PTPRM: variants seen among roughly 807,000 people sequenced by gnomAD.
The protein encoded by PTPRM is receptor-type tyrosine-protein phosphatase mu.
PTPRM carries 47 observed loss-of-function variants against 186.7 expected under a neutral mutation model. That is an observed-to-expected ratio of 0.25 (90% CI 0.20 to 0.32). The LOEUF is 0.32. PTPRM is among the 10% of genes least tolerant of loss of function. The probability of loss-of-function intolerance (pLI) is 1.00; values close to 1 mark genes in which losing one functional copy is unlikely to be tolerated. For missense variants in PTPRM, 1,494 were observed against 1,865.0 expected (o/e 0.80, Z 3.66); for synonymous variants, 668 against 674.9 (o/e 0.99, Z 0.16).
chr18:8,180,122 A>T (rs1033543380), intron 14 of PTPRM, among the ~76,000 whole-genome samples: 1 of 152,076 alleles, frequency 6.6e-6, no homozygotes, highest in Non-Finnish European at 1.5e-5. Context: ...TAAGCAGGAG[A>T]GTGAAAGGGA....
At chr18:8,315,663 G>A (rs1371029316) in intron 21 of PTPRM, among the ~76,000 whole-genome samples, 1 of 152,126 alleles carries the variant, frequency 6.6e-6, no homozygotes, top group Non-Finnish European at 1.5e-5. Context: ...TAGTCTATCA[G>A]TACTTCCATA....
intron 7 of PTPRM, among the ~76,000 whole-genome samples, chr18:8,067,842 A>C (rs2148423451): frequency 6.6e-6 from 1 of 152,362 alleles, no homozygotes; most frequent in East Asian, 1.9e-4. Flanking sequence ...CTATAGAATT[A>C]GCAGGAAAAG....
At chr18:8,330,511 T>C (rs2095406326) in intron 22 of PTPRM, among the ~76,000 whole-genome samples, 1 of 152,196 alleles carries the variant, frequency 6.6e-6, no homozygotes, top group Admixed American at 6.5e-5. Flanking sequence ...TTAAGGAAGA[T>C]AGAGACTAAT....
intron 2 of PTPRM, chr18:7,815,785 G>C (rs1342324931): frequency 6.6e-6 from 1 of 152,176 alleles, no homozygotes; most frequent in Admixed American, 6.5e-5. Context: ...ATTTTGAAGA[G>C]ATTGTAGTTT....
At chr18:8,165,941 A>G (rs1403154315) in intron 14 of PTPRM, among the ~76,000 whole-genome samples, 3 of 152,174 alleles carry the variant, frequency 2.0e-5, no homozygotes, top group African/African-American at 7.2e-5. Context: ...TCTCAGTTGA[A>G]TGAAGCTCTA....
chr18:7,785,173 T>C (rs887189904), intron 2 of PTPRM, among the ~76,000 whole-genome samples: 1 of 152,050 alleles, frequency 6.6e-6, no homozygotes, highest in African/African-American at 2.4e-5. Flanking sequence ...TGGTGAAGGA[T>C]ATGAAGGAAG....
rs1459596754 is a variant in PTPRM at position 7,926,448 on chromosome 18, A to G, written c.548-120A>G. The G allele has an allele frequency of 7.1e-4, 388 of 548,816 alleles. 2 individuals are homozygous for G. Among genetic ancestry groups the G allele is most frequent in the Non-Finnish European group, 3.1e-5 (10 of 323,296 alleles). The allele number at this position is 548,816 out of a possible 1,614,324, so 34.0% of individuals were successfully genotyped here. A position where few individuals can be genotyped will look rare whatever the true frequency, so the allele number is the denominator to read the frequency against. ...CTTTAAAGCTTATATAAGCAAAAGC[A>G]TTATTTTTTTCCCAAGGTGAACAAA... On this transcript the variant is annotated intron_variant, in intron 4 of 32. Transcript: ENST00000580170.
chr18:8,406,007 A>G (rs1332279848), intron 32 of PTPRM, 102 bp from the exon 33 acceptor site: 36 of 1,008,452 alleles, frequency 3.6e-5, no homozygotes, highest in Non-Finnish European at 5.5e-5. Context: ...AAATCCTCCC[A>G]GATTGATGTC....
At chr18:7,590,693 G>A (rs531436564) in intron 1 of PTPRM, among the ~76,000 whole-genome samples, 35 of 152,326 alleles carry the variant, frequency 2.3e-4, no homozygotes, top group African/African-American at 7.2e-4. Context: ...TCACAAGATA[G>A]TGATGTGGGA....
At chr18:8,055,424 CA>C (rs2087851273) in intron 7 of PTPRM, among the ~76,000 whole-genome samples, 2 of 152,276 alleles carry the variant, frequency 1.3e-5, no homozygotes, top group Admixed American at 1.3e-4. Context: ...TAGTTTTATA[CA>C]GTACATAATT....
intron 14 of PTPRM, among the ~76,000 whole-genome samples, chr18:8,182,771 A>G (rs1474035475): frequency 1.3e-5 from 2 of 152,234 alleles, no homozygotes; most frequent in African/African-American, 4.8e-5. Flanking sequence ...TGTTTATTAT[A>G]AAATCTTGAC....
chr18:7,985,592 C>T (rs1281986074), intron 7 of PTPRM, among the ~76,000 whole-genome samples: 3 of 149,332 alleles, frequency 2.0e-5, no homozygotes, highest in South Asian at 2.1e-4. Context: ...CTGGTAGATA[C>T]GTATATAAAT....
intron 14 of PTPRM, among the ~76,000 whole-genome samples, chr18:8,165,552 A>G (rs766987966): frequency 5.9e-5 from 9 of 152,232 alleles, no homozygotes; most frequent in Non-Finnish European, 1.3e-4. Flanking sequence ...TTGTTACCAC[A>G]ATACCCCAGA....
At chr18:7,762,337 G>A (rs947247357) in intron 1 of PTPRM, among the ~76,000 whole-genome samples, 1 of 151,894 alleles carries the variant, frequency 6.6e-6, no homozygotes, top group Non-Finnish European at 1.5e-5. Flanking sequence ...GGGAGGGGTG[G>A]GACAAGTGCT....
chr18:7,899,500 T>C (rs2146478437), intron 3 of PTPRM, among the ~76,000 whole-genome samples: 1 of 152,308 alleles, frequency 6.6e-6, no homozygotes, highest in South Asian at 2.1e-4. Flanking sequence ...TGTGACAAAA[T>C]TATTTCATAA....
intron 7 of PTPRM, among the ~76,000 whole-genome samples, chr18:7,986,560 A>G (rs2082976366): frequency 6.6e-6 from 1 of 152,246 alleles, no homozygotes. Context: ...AAGGCCGGTG[A>G]ATGAAGGTGT....
intron 1 of PTPRM, among the ~76,000 whole-genome samples, chr18:7,736,035 T>TA (rs1342742366): frequency 1.3e-5 from 2 of 151,936 alleles, no homozygotes; most frequent in Non-Finnish European, 2.9e-5. Flanking sequence ...AGCTATAACC[T>TA]AACTACCTCA....
intron 17 of PTPRM, among the ~76,000 whole-genome samples, chr18:8,249,625 C>T (rs1386860267): frequency 6.6e-6 from 1 of 152,016 alleles, no homozygotes; most frequent in African/African-American, 2.4e-5. Context: ...TTGGGGGAGC[C>T]GTGAGTGGGG....
chr18:7,772,761 T>C (rs563964309), intron 1 of PTPRM, among the ~76,000 whole-genome samples: 2 of 152,266 alleles, frequency 1.3e-5, no homozygotes, highest in Admixed American at 6.5e-5. Context: ...CTGTTTTACT[T>C]ATCTTCTTGC....
Sources: gnomAD v4.1 joint callset for allele counts (sites outside exome capture counted in the v4.1 genomes callset) on GRCh38, gnomAD v4.1.1 for gene constraint, MANE v1.5 for transcripts, NCBI Gene and HGNC (gene_info 2026-07-23, HGNC 2026-07-21) for gene names.